The following PLEKHA5 variants were observed in gnomAD, a reference collection of about 807,000 sequenced individuals.
PLEKHA5 encodes the protein pleckstrin homology domain-containing family A member 5.
PLEKHA5 carries 55 observed loss-of-function variants against 181.9 expected under a neutral mutation model. The observed-to-expected ratio is 0.30, with a 90% CI of 0.24 to 0.38. The LOEUF is 0.38. PLEKHA5 is among the 10% of genes least tolerant of loss of function. PLEKHA5 has a pLI of 1.00. For synonymous variants in PLEKHA5, 535 were observed against 529.4 expected (o/e 1.01, Z -0.15); for missense variants, 1,432 against 1,549.5 (o/e 0.92, Z 1.27).
intron 3 of PLEKHA5, among the ~76,000 whole-genome samples, chr12:19,134,696 A>T (rs1204908097): frequency 6.6e-6 from 1 of 152,164 alleles, no homozygotes; most frequent in Non-Finnish European, 1.5e-5. Context: ...TACAATTTAG[A>T]GTACCTTCAC....
chr12:19,161,374 A>C (rs540001622), intron 3 of PLEKHA5, among the ~76,000 whole-genome samples: 3 of 152,184 alleles, frequency 2.0e-5, no homozygotes, highest in African/African-American at 7.2e-5. Context: ...TAAAACTTCT[A>C]TCTGAATTGG....
chr12:19,333,726 G>A (rs1001096605), intron 20 of PLEKHA5, among the ~76,000 whole-genome samples: 3 of 148,880 alleles, frequency 2.0e-5, no homozygotes, highest in Admixed American at 6.8e-5. Context: ...CTCCTGTCTC[G>A]GCCTCCCAAG....
intron 15 of PLEKHA5, chr12:19,307,651 C>A: frequency 3.0e-6 from 1 of 332,100 alleles, no homozygotes; most frequent in South Asian, 3.4e-5. Context: ...CATTGTCAGT[C>A]TAGGAGTCGT....
rs199797476 is a variant in PLEKHA5 at position 19,320,586 on chromosome 12, A to G, written c.2179A>G (p.Thr727Ala). The G allele has an allele frequency of 5.3e-6, 8 of 1,518,664 alleles. No individual in the cohort carries two copies. In the East Asian group the frequency reaches 1.8e-4, roughly 34 times the overall value. The allele number at this position is 1,518,664 out of a possible 1,614,324, so 94.1% of individuals were successfully genotyped here. A position where few individuals can be genotyped will look rare whatever the true frequency, so the allele number is the denominator to read the frequency against. ...GCTGTCACAAGATGAAGGTAGAGGC[A>G]CATTATACAAATACAGACCTGAAGA... ...YCLSQDEGRG[T>A]LYKYRPEEVD... The change falls in exon 18 of 32, where the codon ACA (threonine) becomes GCA (alanine). Residue 727 changes from threonine to alanine, a missense_variant. By Grantham distance (58) the Thr-to-Ala change is moderately conservative (BLOSUM62 0). Around this residue, in one of 2 missense-constraint regions of PLEKHA5, gnomAD observed 1,143 missense variants for 1,168.4 expected, o/e 0.98. Transcript: ENST00000429027.
intron 20 of PLEKHA5, among the ~76,000 whole-genome samples, chr12:19,333,713 A>G (rs1273685218): frequency 6.6e-6 from 1 of 150,984 alleles, no homozygotes; most frequent in Non-Finnish European, 1.5e-5. Context: ...GGTTCAAGCA[A>G]TTCTCCTGTC....
At chr12:19,285,674 G>A (rs1788459917) in intron 12 of PLEKHA5, among the ~76,000 whole-genome samples, 1 of 152,170 alleles carries the variant, frequency 6.6e-6, no homozygotes, top group Non-Finnish European at 1.5e-5. Flanking sequence ...TATGCTAGTG[G>A]TCATTGTAGC....
At chr12:19,256,566 T>C (rs2066929046) in intron 5 of PLEKHA5, among the ~76,000 whole-genome samples, 1 of 152,184 alleles carries the variant, frequency 6.6e-6, no homozygotes, top group Non-Finnish European at 1.5e-5. Flanking sequence ...TGTTTGAAAG[T>C]AAATTAAAAT....
intron 12 of PLEKHA5, among the ~76,000 whole-genome samples, chr12:19,286,348 T>C (rs776273195): frequency 6.6e-6 from 1 of 152,230 alleles, no homozygotes; most frequent in Non-Finnish European, 1.5e-5. Flanking sequence ...GATATCACTT[T>C]GTAACTAACC....
At chr12:19,297,410 C>G (rs199621192) in intron 15 of PLEKHA5, among the ~76,000 whole-genome samples, 1 of 150,972 alleles carries the variant, frequency 6.6e-6, no homozygotes, top group Non-Finnish European at 1.5e-5. Flanking sequence ...ATCATGAGGT[C>G]AGGAGATCGA....
intron 3 of PLEKHA5, chr12:19,202,055 T>C: frequency 1.1e-6 from 1 of 921,616 alleles, no homozygotes; most frequent in Non-Finnish European, 1.3e-6. Flanking sequence ...CCCTTCACAG[T>C]TACTCCCCAC....
At chr12:19,331,674 A>T (rs2092848857) in intron 20 of PLEKHA5, among the ~76,000 whole-genome samples, 4 of 152,276 alleles carry the variant, frequency 2.6e-5, no homozygotes, top group African/African-American at 9.6e-5. Context: ...ACTACATAGA[A>T]GTAAGCACTA....
At chr12:19,277,684 A>AT (rs2074969679) in intron 11 of PLEKHA5, among the ~76,000 whole-genome samples, 1 of 152,194 alleles carries the variant, frequency 6.6e-6, no homozygotes, top group African/African-American at 2.4e-5. Flanking sequence ...TAATGAAATG[A>AT]TTTTTTATTG....
chr12:19,253,777 G>A (rs547977963), intron 3 of PLEKHA5, among the ~76,000 whole-genome samples, 163 bp from the exon 4 acceptor site: 14 of 152,058 alleles, frequency 9.2e-5, no homozygotes, highest in Middle Eastern at 3.4e-3. Flanking sequence ...CCGAGAATGC[G>A]CCATTGCACT....
rs199537920 is a variant in PLEKHA5 at position 19,156,182 on chromosome 12, CA to C, written c.227+23733del. On this transcript the variant is annotated intron_variant, in intron 3 of 31. Transcript: ENST00000429027. ...TTGGGGGTGGTCAAAAGGTTAGGAGCACTTCCTTGATTTGTTTTTTTTCCTT... is the reference window on the plus strand; with the variant it reads ...TTGGGGGTGGTCAAAAGGTTAGGAGCCTTCCTTGATTTGTTTTTTTTCCTT... Among the ~76,000 whole-genome samples, 141 of 148,912 alleles carry C rather than the reference CA, an allele frequency of 9.5e-4. 1 individual carries two copies. The highest frequency in any genetic ancestry group is 3.6e-3 in the Middle Eastern group (1 of 280).
intron 3 of PLEKHA5, among the ~76,000 whole-genome samples, chr12:19,215,312 T>C (rs543039047): frequency 6.6e-6 from 1 of 152,258 alleles, no homozygotes; most frequent in South Asian, 2.1e-4. Context: ...AAATGTAAAA[T>C]ATAAAAATAT....
At chr12:19,351,018 T>G (rs2094568261) in intron 25 of PLEKHA5, among the ~76,000 whole-genome samples, 1 of 144,852 alleles carries the variant, frequency 6.9e-6, no homozygotes, top group Non-Finnish European at 1.5e-5. Flanking sequence ...AGTACAGTGG[T>G]GAGATCATGG....
intron 21 of PLEKHA5, among the ~76,000 whole-genome samples, chr12:19,338,374 C>A (rs2093619021): frequency 6.6e-6 from 1 of 151,888 alleles, no homozygotes; most frequent in Non-Finnish European, 1.5e-5. Context: ...AATCCCAGCA[C>A]TTTGGGAGGC....
intron 6 of PLEKHA5, among the ~76,000 whole-genome samples, chr12:19,259,094 C>T (rs1273130102): frequency 2.0e-5 from 3 of 152,050 alleles, no homozygotes; most frequent in Non-Finnish European, 1.5e-5. Flanking sequence ...CAGTGGTTCA[C>T]GCCTGTAATC....
intron 11 of PLEKHA5, among the ~76,000 whole-genome samples, chr12:19,280,835 C>G (rs2075947710): frequency 6.6e-6 from 1 of 151,760 alleles, no homozygotes; most frequent in Non-Finnish European, 1.5e-5. Context: ...CTCAGCCTCC[C>G]GAGTAGCTGG....
Sources: allele counts gnomAD v4.1 joint callset (sites outside exome capture counted in the v4.1 genomes callset), GRCh38; gene constraint gnomAD v4.1.1; regional missense constraint gnomAD v4.1.1; transcripts MANE v1.5; gene names NCBI Gene and HGNC (gene_info 2026-07-23, HGNC 2026-07-21).